Variants in APBB2 observed in about 807,000 individuals in gnomAD.
The protein encoded by APBB2 is amyloid beta precursor protein binding family B member 2, also known as Fe65-like 1.
APBB2 carries 38 observed loss-of-function variants against 82.5 expected under a neutral mutation model. That is an observed-to-expected ratio of 0.46 (90% CI 0.36 to 0.60). The LOEUF is 0.60. APBB2 is among the 20% of genes least tolerant of loss of function. The pLI is 0.00. For missense variants in APBB2, 772 were observed against 972.3 expected, an observed-to-expected ratio of 0.79 and a Z score of 2.74; for synonymous variants, 341 against 368.2, an observed-to-expected ratio of 0.93 and a Z score of 0.85.
rs1183187724 is a variant in APBB2, at chr4:40,934,718, T to C, written c.1108-19A>G. Reference sequence around the variant, plus strand: ...GCAAATCCTAGAGGAAAATAGAACCTTGTTAATGTACAATGGGGGAGAAGA... The same window carrying C: ...GCAAATCCTAGAGGAAAATAGAACCCTGTTAATGTACAATGGGGGAGAAGA... On this transcript the variant is annotated intron_variant, in intron 8 of 17. Coordinates refer to ENST00000508593, the MANE Select transcript of APBB2 (RefSeq NM_004307.2). 6.4e-7 allele frequency: 1 copy of C among 1,569,952 alleles called. No homozygotes were observed. Among genetic ancestry groups the C allele is most frequent in the Non-Finnish European group, 8.8e-7 (1 of 1,140,582 alleles).
At chr4:41,033,397 G>A (rs898529216) in intron 4 of APBB2, 93 bp from the exon 5 acceptor site, 1 of 853,338 alleles carries the variant, frequency 1.2e-6, no homozygotes, top group Non-Finnish European at 1.7e-6. Context: ...TCCAAAAGCT[G>A]TTATATATAC....
Position 40,813,211 on chromosome 4 carries a change from C to T in APBB2, c.*2881G>A, listed in dbSNP as rs1359771154. 3.9e-5 allele frequency: 6 copies of T among 152,102 alleles called. No homozygotes were observed. Among genetic ancestry groups the T allele is most frequent in the Non-Finnish European group, 8.8e-5 (6 of 68,038 alleles). The allele number at this position is 152,102 out of a possible 1,614,324, so 9.4% of individuals were successfully genotyped here. A position where few individuals can be genotyped will look rare whatever the true frequency, so the allele number is the denominator to read the frequency against. Reference sequence around the variant, plus strand: ...GGCAATGTATAGTTCACTGAGATTACTTAGATCTGGATACACTGGGAGATA... The same window carrying T: ...GGCAATGTATAGTTCACTGAGATTATTTAGATCTGGATACACTGGGAGATA... On this transcript the variant is annotated 3_prime_UTR_variant, in exon 18 of 18. Transcript: ENST00000508593.
chr4:41,086,616 C>T (rs1383764395), intron 3 of APBB2, among the ~76,000 whole-genome samples: 1 of 152,102 alleles, frequency 6.6e-6, no homozygotes, highest in African/African-American at 2.4e-5. Flanking sequence ...ATTCAGCAAA[C>T]TTTCATGATA....
intron 10 of APBB2, among the ~76,000 whole-genome samples, chr4:40,909,340 T>C (rs1364015348): frequency 1.3e-5 from 2 of 152,190 alleles, no homozygotes; most frequent in African/African-American, 4.8e-5. Context: ...GGTTGGCTAA[T>C]GAAAGGGTTT....
Position 40,812,103 on chromosome 4 carries a change from T to G in APBB2, c.*3989A>C, listed in dbSNP as rs1242876872. The G allele has an allele frequency of 6.6e-6, 1 of 152,128 alleles. No individual in the cohort carries two copies. The allele number at this position is 152,128 out of a possible 1,614,324, so 9.4% of individuals were successfully genotyped here. A position where few individuals can be genotyped will look rare whatever the true frequency, so the allele number is the denominator to read the frequency against. ...TCCTGATCACCAAATAAGTACAGGG[T>G]GATTACTCAAAATTTGAAGTTACTT... is the stretch of plus-strand genomic sequence containing the variant. On this transcript the variant is annotated 3_prime_UTR_variant, in exon 18 of 18. Coordinates refer to ENST00000508593, the MANE Select transcript of APBB2 (RefSeq NM_004307.2).
intron 6 of APBB2, among the ~76,000 whole-genome samples, chr4:40,947,617 G>C (rs1210910421): frequency 6.6e-6 from 1 of 152,232 alleles, no homozygotes; most frequent in Non-Finnish European, 1.5e-5. Flanking sequence ...GAAATAAAAA[G>C]AGGAGGTTTA....
chr4:40,980,475 T>A (rs553037773), intron 6 of APBB2, among the ~76,000 whole-genome samples: 1 of 152,262 alleles, frequency 6.6e-6, no homozygotes, highest in South Asian at 2.1e-4. Context: ...ACTATGGGCA[T>A]GAGAGAAAAG....
In APBB2 at chr4:41,127,083, T is replaced by A. The variant is rs4861375; in HGVS notation, c.-261+15904A>T. 0.39 allele frequency among the ~76,000 whole-genome samples: 58,608 copies of A among 151,898 alleles called. 11,683 individuals carry two copies. Among genetic ancestry groups the A allele is most frequent in the Non-Finnish European group, 0.45 (30,294 of 67,942 alleles). ...CTAGACTCAATAAACTCACAATTCA[T>A]TTCTCACTTACTTAAAGATTAGCTA... On this transcript the variant is annotated intron_variant, in intron 2 of 17. Transcript: ENST00000508593. The surrounding 1 kb of genome is among the most constrained non-coding windows in gnomAD (Gnocchi z 4.8).
intron 1 of APBB2, among the ~76,000 whole-genome samples, chr4:41,203,637 A>T (rs16852911): frequency 0.093 from 14,127 of 152,156 alleles, 915 homozygotes; most frequent in African/African-American, 0.18. Flanking sequence ...GAATACAGAG[A>T]CCACTAACAA....
chr4:41,049,352 G>A (rs1724907750), intron 4 of APBB2, among the ~76,000 whole-genome samples: 1 of 81,838 alleles, frequency 1.2e-5, no homozygotes, highest in South Asian at 4.8e-4. Flanking sequence ...CCGACCGGCA[G>A]CCGCCCCGTC....
chr4:40,983,208 A>T (rs1451224645), intron 6 of APBB2, among the ~76,000 whole-genome samples: 1 of 152,218 alleles, frequency 6.6e-6, no homozygotes, highest in Non-Finnish European at 1.5e-5. Flanking sequence ...TCATAGAAAT[A>T]AATGGTGGTG....
intron 6 of APBB2, among the ~76,000 whole-genome samples, chr4:40,968,232 A>C (rs1194401106): frequency 6.6e-6 from 1 of 152,188 alleles, no homozygotes; most frequent in Non-Finnish European, 1.5e-5. Context: ...GATTTGAGCC[A>C]GGCAGTCATA....
In APBB2 at chr4:40,815,777, A is replaced by G. The variant is rs1745427825; in HGVS notation, c.*315T>C. On this transcript the variant is annotated 3_prime_UTR_variant, in exon 18 of 18. Coordinates refer to ENST00000508593, the MANE Select transcript of APBB2 (RefSeq NM_004307.2). The stretch of plus-strand genomic sequence containing the variant: ...CATTCCAAGGACGCAGCGTTAGTTC[A>G]CTAGGAGGGGTGGGGCCACACTCTT... 6 of 281,152 alleles carry G rather than the reference A, an allele frequency of 2.1e-5. No homozygotes were observed. The South Asian group carries it at 3.9e-4, about 18-fold the overall frequency. The allele number at this position is 281,152 out of a possible 1,614,324, so 17.4% of individuals were successfully genotyped here. A position where few individuals can be genotyped will look rare whatever the true frequency, so the allele number is the denominator to read the frequency against.
intron 6 of APBB2, among the ~76,000 whole-genome samples, chr4:41,006,049 C>T (rs959154065): frequency 4.6e-5 from 7 of 152,300 alleles, no homozygotes; most frequent in Middle Eastern, 3.4e-3. Flanking sequence ...ATCACCTTTC[C>T]GTCCCCTGAA....
intron 3 of APBB2, among the ~76,000 whole-genome samples, chr4:41,079,046 C>A (rs1485804562): frequency 6.6e-6 from 1 of 152,202 alleles, no homozygotes; most frequent in Non-Finnish European, 1.5e-5. Flanking sequence ...GCAATGGCAA[C>A]AACACCCACT....
chr4:41,058,878 AACTAAGAAAAT>A lies in APBB2; in HGVS notation c.-51+6687_-51+6697del, dbSNP rs1286074550. ...AAAAACTGAGGGAGAGATCATTAAC[AACTAAGAAAAT>A]ACTAAGAAAAAAATCAAAATCACAA... On this transcript the variant is annotated intron_variant, in intron 4 of 17. Coordinates refer to ENST00000508593, the MANE Select transcript of APBB2 (RefSeq NM_004307.2). Among the ~76,000 whole-genome samples the A allele has an allele frequency of 3.3e-5, 5 of 152,340 alleles. No individual in the cohort carries two copies. In the East Asian group the frequency reaches 7.7e-4, roughly 23 times the overall value.
intron 3 of APBB2, among the ~76,000 whole-genome samples, chr4:41,072,965 A>G (rs562858234): frequency 6.6e-6 from 1 of 151,630 alleles, no homozygotes; most frequent in South Asian, 2.1e-4. Context: ...TTGAGAACAA[A>G]AGGAAAGGCT....
chr4:40,904,073 C>T (rs6839126), intron 10 of APBB2, among the ~76,000 whole-genome samples: 5,846 of 152,178 alleles, frequency 0.038, 365 homozygotes, highest in African/African-American at 0.13. Flanking sequence ...AGCCAGTAGA[C>T]AGCAACGGGT....
intron 12 of APBB2, among the ~76,000 whole-genome samples, chr4:40,855,798 A>G (rs1430286530): frequency 2.6e-5 from 4 of 152,162 alleles, no homozygotes. Context: ...GCTACAAACC[A>G]TGACACCTTC....
Sources: allele counts gnomAD v4.1 joint callset (sites outside exome capture counted in the v4.1 genomes callset), GRCh38; gene constraint gnomAD v4.1.1; non-coding constraint Gnocchi (gnomAD v3.1); transcripts MANE v1.5; gene names NCBI Gene and HGNC (gene_info 2026-07-23, HGNC 2026-07-21).